TPST1: variants seen among roughly 807,000 people sequenced by gnomAD.
TPST1 encodes the protein tyrosylprotein sulfotransferase 1.
TPST1 carries 20 observed loss-of-function variants against 34.8 expected under a neutral mutation model. That is an observed-to-expected ratio of 0.57 (90% CI 0.40 to 0.84). The LOEUF is 0.84. TPST1 is among the 40% of genes least tolerant of loss of function. The pLI, the probability that TPST1 is intolerant of heterozygous loss-of-function variation, is 0.00. For missense variants in TPST1, 353 were observed against 455.5 expected (o/e 0.78, Z 2.05); for synonymous variants, 152 against 159.4 (o/e 0.95, Z 0.35).
At position 66,212,456 on chromosome 7, in the gene TPST1, CTTTTTTCT is replaced by C. The variant is rs1370352750; in HGVS notation, c.-102+6941_-102+6948del. ...TATTGATATCAGTGTATTTTCTTTTCTTTTTTCTTTTTTTTTTTTTTGAGACAGAGTCC... is the reference window on the plus strand; with the variant it reads ...TATTGATATCAGTGTATTTTCTTTTCTTTTTTTTTTTTTGAGACAGAGTCC... On this transcript the variant is annotated intron_variant, in intron 1 of 5. Coordinates refer to ENST00000304842, the MANE Select transcript of TPST1 (RefSeq NM_003596.4). Among the ~76,000 whole-genome samples, 170 of 27,028 alleles carry C rather than the reference CTTTTTTCT, an allele frequency of 6.3e-3. 2 individuals are homozygous for C. Among genetic ancestry groups the C allele is most frequent in the Admixed American group, 7.8e-3 (24 of 3,086 alleles). The allele number at this position is 27,028 out of a possible 152,430, so 17.7% of individuals were successfully genotyped here. A position where few individuals can be genotyped will look rare whatever the true frequency, so the allele number is the denominator to read the frequency against.
At chr7:66,257,557 G>A in intron 2 of TPST1, among the ~76,000 whole-genome samples, 1 of 152,280 alleles carries the variant, frequency 6.6e-6, no homozygotes, top group Middle Eastern at 3.4e-3. Context: ...TGGGAGTCTA[G>A]TGACCTCTTT....
At chr7:66,245,295 A>G (rs965928802) in intron 2 of TPST1, among the ~76,000 whole-genome samples, 1 of 152,208 alleles carries the variant, frequency 6.6e-6, no homozygotes, top group African/African-American at 2.4e-5. Context: ...AACTCTGAAT[A>G]CAGCATGGGC....
chr7:66,232,291 C>CT (rs1413400098), intron 1 of TPST1, among the ~76,000 whole-genome samples: 1 of 151,112 alleles, frequency 6.6e-6, no homozygotes, highest in African/African-American at 2.4e-5. Context: ...TAGCCTCAAC[C>CT]TCCCAGGCTC....
chr7:66,230,155 T>C (rs1447241153), intron 1 of TPST1, among the ~76,000 whole-genome samples: 1 of 152,146 alleles, frequency 6.6e-6, no homozygotes, highest in Non-Finnish European at 1.5e-5. Context: ...GCCCCTGCAC[T>C]CCAGCCTGGG....
intron 3 of TPST1, among the ~76,000 whole-genome samples, chr7:66,351,467 TCTTA>T (rs567784333): frequency 1.5e-3 from 235 of 152,326 alleles, no homozygotes; most frequent in African/African-American, 5.4e-3. Context: ...AACCCTACTG[TCTTA>T]CTTATGGCTA....
intron 2 of TPST1, among the ~76,000 whole-genome samples, chr7:66,245,664 A>G (rs1790132414): frequency 6.6e-6 from 1 of 152,242 alleles, no homozygotes; most frequent in South Asian, 2.1e-4. Context: ...TAAAATTCTT[A>G]TGTCTTATGG....
rs35582736 is a variant in TPST1, at chr7:66,328,011, C to CTTTTTTTTT, written c.1045-24474_1045-24466dup. Among the ~76,000 whole-genome samples, 7 of 39,510 alleles carry CTTTTTTTTT rather than the reference C, an allele frequency of 1.8e-4. 1 individual carries two copies. The highest frequency in any genetic ancestry group is 1.3e-3 in the South Asian group (1 of 780). The allele number at this position is 39,510 out of a possible 152,430, so 25.9% of individuals were successfully genotyped here. A position where few individuals can be genotyped will look rare whatever the true frequency, so the allele number is the denominator to read the frequency against. On this transcript the variant is annotated intron_variant, in intron 3 of 5. Transcript: ENST00000304842. ...TTTTCTTTCTTTTTTTTTTCCTTTC[C>CTTTTTTTTT]TTTTTTTTTTTTTTTTTTTTTTTTT...
At chr7:66,246,532 A>G (rs1440155165) in intron 2 of TPST1, among the ~76,000 whole-genome samples, 1 of 152,244 alleles carries the variant, frequency 6.6e-6, no homozygotes, top group Admixed American at 6.5e-5. Context: ...ATAAGGCAAC[A>G]TTTGTACTTT....
intron 3 of TPST1, among the ~76,000 whole-genome samples, chr7:66,337,802 G>A (rs745645603): frequency 6.6e-6 from 1 of 151,926 alleles, no homozygotes; most frequent in African/African-American, 2.4e-5. Flanking sequence ...AGATTTTTTT[G>A]TAAGCCTCAC....
At chr7:66,282,247 C>G (rs887557613) in intron 2 of TPST1, among the ~76,000 whole-genome samples, 5 of 152,142 alleles carry the variant, frequency 3.3e-5, no homozygotes, top group Non-Finnish European at 5.9e-5. Context: ...CAGTTCCAGG[C>G]CCATTTCCCT....
chr7:66,356,736 G>T, intron 4 of TPST1, 89 bp from the exon 5 acceptor site: 1 of 1,481,120 alleles, frequency 6.8e-7, no homozygotes, highest in South Asian at 1.2e-5. Context: ...CAGAGCCTGC[G>T]GGCCACCCCT....
At chr7:66,315,542 C>G (rs10228885) in intron 3 of TPST1, among the ~76,000 whole-genome samples, 101,149 of 152,040 alleles carry the variant, frequency 0.67, 34,014 homozygotes, top group African/African-American at 0.76. Context: ...GAAGGTGTTG[C>G]GGGGTTGTGG....
chr7:66,324,866 A>G (rs1339306808), intron 3 of TPST1, among the ~76,000 whole-genome samples: 2 of 151,464 alleles, frequency 1.3e-5, no homozygotes, highest in African/African-American at 2.4e-5. Context: ...TGTGGTTTAC[A>G]TAGAATGTTC....
upstream of TPST1, among the ~76,000 whole-genome samples, chr7:66,204,957 A>C (rs1789090414): frequency 1.3e-5 from 2 of 152,242 alleles, no homozygotes; most frequent in Admixed American, 1.3e-4. Context: ...GGTTTCACTG[A>C]TGAAGGCCTC....
chr7:66,304,707 C>T (rs768045315), intron 3 of TPST1, among the ~76,000 whole-genome samples: 1 of 152,224 alleles, frequency 6.6e-6, no homozygotes, highest in Non-Finnish European at 1.5e-5. Context: ...TGCTGTATTT[C>T]ATATTGTGCT....
At chr7:66,300,805 G>A (rs945911182) in intron 3 of TPST1, among the ~76,000 whole-genome samples, 2 of 152,076 alleles carry the variant, frequency 1.3e-5, no homozygotes, top group African/African-American at 4.8e-5. Flanking sequence ...AATTAGCTGG[G>A]TGTGGTGGCG....
At chr7:66,342,325 C>T (rs1165509379) in intron 3 of TPST1, among the ~76,000 whole-genome samples, 3 of 152,138 alleles carry the variant, frequency 2.0e-5, no homozygotes, top group African/African-American at 4.8e-5. Flanking sequence ...AGAAACCTCA[C>T]CAGATTCTCA....
At chr7:66,258,396 A>C (rs542652063) in intron 2 of TPST1, among the ~76,000 whole-genome samples, 1 of 152,372 alleles carries the variant, frequency 6.6e-6, no homozygotes, top group Non-Finnish European at 1.5e-5. Context: ...AGACTGTGCT[A>C]TGCTACTTTG....
rs1790021796 is a variant in TPST1 at position 66,240,989 on chromosome 7, A to G, written c.564A>G (p.Ala188=). The G allele has an allele frequency of 1.2e-6, 2 of 1,614,138 alleles. No individual in the cohort carries two copies. Among genetic ancestry groups the G allele is most frequent in the African/African-American group, 1.3e-5 (1 of 74,950 alleles). ...KFLLMVRDGR[A]SVHSMISRKV... is the part of the protein sequence containing the mutation. ...TCCTGATGGTCCGAGATGGCCGGGC[A>G]TCAGTACATTCAATGATTTCTCGAA... is the stretch of plus-strand genomic sequence containing the variant. Residue 188 remains alanine (A), a synonymous_variant, in exon 2 of 6, where the codon GCA becomes GCG. Transcript: ENST00000304842.
Sources: allele counts gnomAD v4.1 joint callset (sites outside exome capture counted in the v4.1 genomes callset), GRCh38; gene constraint gnomAD v4.1.1; transcripts MANE v1.5; gene names NCBI Gene and HGNC (gene_info 2026-07-23, HGNC 2026-07-21).